Variants in BOP1 observed in about 807,000 individuals in gnomAD.
BOP1 encodes ribosome biogenesis protein BOP1.
A neutral mutation model predicts 82.9 loss-of-function variants in BOP1; 54 were observed. That is an observed-to-expected ratio of 0.65 (90% CI 0.52 to 0.82). The LOEUF (loss-of-function observed/expected upper bound fraction) is 0.82, where lower values mean the gene tolerates loss of function less well. BOP1 is among the 40% of genes least tolerant of loss of function. The pLI is 0.00. For synonymous variants in BOP1, 566 were observed against 451.1 expected, an observed-to-expected ratio of 1.25 and a Z score of -3.23; for missense variants, 1,170 against 1,072.0, an observed-to-expected ratio of 1.09 and a Z score of -1.28.
chr8:144,289,523 G>A (rs1315777979), intron 1 of BOP1, among the ~76,000 whole-genome samples: 1 of 152,216 alleles, frequency 6.6e-6, no homozygotes, highest in Non-Finnish European at 1.5e-5. Context: ...TCTTGCCTTT[G>A]CCATCGACAT....
At chr8:144,272,278 G>A (rs1320365783) in intron 3 of BOP1, among the ~76,000 whole-genome samples, 2 of 151,996 alleles carry the variant, frequency 1.3e-5, no homozygotes, top group Non-Finnish European at 1.5e-5. Context: ...GTCCACACCC[G>A]CTCAGCCCCC....
rs543389438 is a variant in BOP1, at chr8:144,286,549, C to T, written c.309+2546G>A. On this transcript the variant is annotated intron_variant, in intron 2 of 15. Coordinates refer to ENST00000569669, the MANE Select transcript of BOP1 (RefSeq NM_015201.5). ...TGGGCGCCACGGCAGGGCAGGGCCT[C>T]GGCCTCCCAGCTAAAGCACAGGACA... 8.9e-4 allele frequency among the ~76,000 whole-genome samples: 113 copies of T among 127,590 alleles called. 1 individual carries two copies. Among genetic ancestry groups the T allele is most frequent in the Non-Finnish European group, 1.4e-3 (81 of 59,984 alleles). The allele number at this position is 127,590 out of a possible 152,430, so 83.7% of individuals were successfully genotyped here.
intron 2 of BOP1, among the ~76,000 whole-genome samples, chr8:144,283,765 C>G (rs1216774232): frequency 6.6e-6 from 1 of 152,266 alleles, no homozygotes; most frequent in African/African-American, 2.4e-5. Context: ...TGAGGGGCGG[C>G]TGCAGTAGTG....
chr8:144,269,815 C>T (rs1425269757), intron 3 of BOP1, among the ~76,000 whole-genome samples: 2 of 152,212 alleles, frequency 1.3e-5, no homozygotes, highest in African/African-American at 4.8e-5. Context: ...GCTTTCCTCA[C>T]ACCCCCGCCC....
intron 7 of BOP1, 29 bp downstream of exon 7, chr8:144,264,196 G>C: frequency 6.2e-7 from 1 of 1,608,108 alleles, no homozygotes; most frequent in Non-Finnish European, 8.5e-7. Context: ...CATGGGGACA[G>C]GGTCCCGGCC....
rs896346282 is a variant in BOP1 at position 144,264,764 on chromosome 8, G to A, written c.613C>T (p.Arg205Trp). Residue 205 changes from arginine (R) to tryptophan (W), a missense_variant, in exon 5 of 16, where the codon CGG (arginine) becomes TGG (tryptophan). Physicochemically the swap from Arg to Trp is moderately radical, Grantham distance 101. Transcript: ENST00000569669. ...RLTDEQVALV[R>W]RLQSGQFGDV... ...CCAAACTGGCCACTCTGCAGCCGCC[G>A]CACCAGGGCCACCTGCTCATCCGTC... 4.8e-4 allele frequency: 763 copies of A among 1,602,068 alleles called. 1 individual carries two copies. The highest frequency in any genetic ancestry group is 6.2e-4 in the Non-Finnish European group (730 of 1,175,690).
chr8:144,275,448 C>T (rs1222626423), intron 3 of BOP1, among the ~76,000 whole-genome samples: 5 of 50,260 alleles, frequency 9.9e-5, no homozygotes, highest in South Asian at 7.1e-4. Context: ...GAACCCAGCC[C>T]GGTGCCAGCC....
Position 144,263,134 on chromosome 8 carries a change from G to T in BOP1, c.1613C>A (p.Thr538Lys). ...RLRICHGKPV[T>K]QVTWHGRGDY... ...CCCACGCCCGTGCCAGGTCACCTGC[G>T]TCACTGGCTGCAGGAGAGCAAGGCT... Residue 538 changes from threonine to lysine, a missense_variant, in exon 13 of 16, where the codon ACG becomes AAG. Thr to Lys is a moderately conservative substitution (Grantham distance 78). Transcript: ENST00000569669. 5 of 1,593,696 alleles carry T rather than the reference G, an allele frequency of 3.1e-6. No individual in the cohort carries two copies. Among genetic ancestry groups the T allele is most frequent in the Non-Finnish European group, 4.2e-6 (5 of 1,178,794 alleles).
intron 3 of BOP1, among the ~76,000 whole-genome samples, chr8:144,273,873 C>G (rs1355575329): frequency 1.3e-5 from 2 of 152,156 alleles, no homozygotes; most frequent in African/African-American, 4.8e-5. Context: ...CCTCCGCCTG[C>G]TCGCTGCTGC....
chr8:144,262,893 G>A lies in BOP1; in HGVS notation c.1854C>T (p.Pro618=). Residue 618 remains proline (P), a synonymous_variant, in exon 13 of 16, where the codon CCC becomes CCT. Transcript: ENST00000569669. ...LRQELTKKLM[P]NCKWVSSLAV... ...CCAGGCTGGACACCCACTTGCAGTTGGGCATCAGCTTCTTGGTGAGCTCCT... is the reference window on the plus strand; with the variant it reads ...CCAGGCTGGACACCCACTTGCAGTTAGGCATCAGCTTCTTGGTGAGCTCCT... 1.9e-6 allele frequency: 3 copies of A among 1,553,824 alleles called. No individual in the cohort carries two copies. The African/African-American group carries it at 4.1e-5, about 21-fold the overall frequency.
Position 144,280,934 on chromosome 8 carries a change from T to C in BOP1, c.310-4630A>G, listed in dbSNP as rs202194138. 5.0e-3 allele frequency among the ~76,000 whole-genome samples: 729 copies of C among 146,346 alleles called. 6 individuals carry two copies. Among genetic ancestry groups the C allele is most frequent in the African/African-American group, 0.016 (647 of 39,494 alleles). On this transcript the variant is annotated intron_variant, in intron 2 of 15. Coordinates refer to ENST00000569669, the MANE Select transcript of BOP1 (RefSeq NM_015201.5). ...CTTTCATACCAGGTCTTAGGCCTTCTCTCAGTTTAATACCAGGTCTTTGGC... is the reference window on the plus strand; with the variant it reads ...CTTTCATACCAGGTCTTAGGCCTTCCCTCAGTTTAATACCAGGTCTTTGGC...
At chr8:144,284,079 C>CGTACT in intron 2 of BOP1, among the ~76,000 whole-genome samples, 1 of 152,164 alleles carries the variant, frequency 6.6e-6, no homozygotes, top group East Asian at 1.9e-4. Flanking sequence ...ATTGCACCAC[C>CGTACT]GTACTCCAGC....
At chr8:144,289,376 G>A in intron 1 of BOP1, 72 bp from the exon 2 acceptor site, 2 of 1,509,446 alleles carry the variant, frequency 1.3e-6, no homozygotes, top group Non-Finnish European at 1.8e-6. Flanking sequence ...AGGGAGAGCT[G>A]CCTCTCGCCC....
intron 2 of BOP1, among the ~76,000 whole-genome samples, chr8:144,283,294 C>T (rs180789917): frequency 1.4e-5 from 2 of 145,420 alleles, no homozygotes; most frequent in Admixed American, 1.4e-4. Context: ...AGAGAGAAAA[C>T]AGCAAAGGGC....
chr8:144,264,896 C>A, intron 4 of BOP1, 21 bp downstream of exon 4: 1 of 1,603,100 alleles, frequency 6.2e-7, no homozygotes. Context: ...CGGCTGCTGG[C>A]CCCACCCCAC....
rs1554836739 is a variant in BOP1, at chr8:144,263,152, G to A, written c.1606-11C>T. The A allele has an allele frequency of 6.3e-7, 1 of 1,593,544 alleles. No individual in the cohort carries two copies. ...CACCTGCGTCACTGGCTGCAGGAGAGCAAGGCTGGCTGAGTGGCTGAGCCG... is the reference window on the plus strand; with the variant it reads ...CACCTGCGTCACTGGCTGCAGGAGAACAAGGCTGGCTGAGTGGCTGAGCCG... On this transcript the variant is annotated splice_polypyrimidine_tract_variant and intron_variant, in intron 12 of 15. Coordinates refer to ENST00000569669, the MANE Select transcript of BOP1 (RefSeq NM_015201.5).
Position 144,264,080 on chromosome 8 carries a change from G to C in BOP1, c.1041C>G (p.Phe347Leu). Residue 347 changes from phenylalanine (F) to leucine (L), a missense_variant, in exon 8 of 16, where the codon TTC becomes TTG. Physicochemically the swap from Phe to Leu is conservative, Grantham distance 22. Transcript: ENST00000569669. ...AGGCAGGCACGGCCCGCAGGCTCGG[G>C]AACTTGCGTGGCAAAAAGCTCAGCT... ...ERKLSFLPRKFPSLRAVPAYG... is the reference protein window; with the variant it reads ...ERKLSFLPRKLPSLRAVPAYG... The C allele has an allele frequency of 6.2e-7, 1 of 1,610,226 alleles. No individual in the cohort carries two copies. The highest frequency in any genetic ancestry group is 1.7e-5 in the Admixed American group (1 of 59,884).
chr8:144,284,323 G>C (rs1376300276), intron 2 of BOP1, among the ~76,000 whole-genome samples: 1 of 152,112 alleles, frequency 6.6e-6, no homozygotes, highest in African/African-American at 2.4e-5. Context: ...TTTATCCTTT[G>C]ACCTAGAAAT....
At position 144,289,238 on chromosome 8, in the gene BOP1, C is replaced by A. The variant is rs781851211; in HGVS notation, c.166G>T (p.Glu56Ter). 8 of 1,613,954 alleles carry A rather than the reference C, an allele frequency of 5.0e-6. No homozygotes were observed. Among genetic ancestry groups the A allele is most frequent in the Non-Finnish European group, 4.2e-6 (5 of 1,179,960 alleles). The change falls in exon 2 of 16, where the codon GAG (glutamate) becomes TAG (stop). Residue 56 changes from glutamate to a stop codon, truncating the protein, a stop_gained. Coordinates refer to ENST00000569669, the MANE Select transcript of BOP1 (RefSeq NM_015201.5). LOFTEE classifies it high-confidence loss of function. ...TCCAGGCCTGAGAACACACTTTCCT[C>A]GCTGTCGGAGACGCCAGAATCGCTG... ...TGSDSGVSDS[E>*]ESVFSGLEDS...
Sources: gnomAD v4.1 joint callset for allele counts (sites outside exome capture counted in the v4.1 genomes callset) on GRCh38, gnomAD v4.1.1 for gene constraint, MANE v1.5 for transcripts, NCBI Gene and HGNC (gene_info 2026-07-23, HGNC 2026-07-21) for gene names.